PHC1: variants seen among roughly 807,000 people sequenced by gnomAD.
The protein encoded by PHC1 is polyhomeotic homolog 1.
In PHC1, 12 loss-of-function variants were observed where a neutral mutation model predicts 104.3. The observed-to-expected ratio is 0.12, with a 90% CI of 0.07 to 0.19. The LOEUF (loss-of-function observed/expected upper bound fraction) is 0.19. Ranked by LOEUF, PHC1 falls within the 10% of genes least tolerant of loss-of-function variation. The probability of loss-of-function intolerance (pLI) is 1.00; values close to 1 mark genes in which losing one functional copy is unlikely to be tolerated. For synonymous variants in PHC1, 302 were observed against 455.8 expected (o/e 0.66, Z 4.30); for missense variants, 671 against 1,200.0 (o/e 0.56, Z 6.51).
At chr12:8,933,732 T>C in intron 8 of PHC1, 133 bp from the exon 9 acceptor site, 1 of 700,658 alleles carries the variant, frequency 1.4e-6, no homozygotes, top group Non-Finnish European at 2.4e-6. Context: ...GGAATTTTAG[T>C]GTACCATGGG....
At chr12:8,922,926 C>T (rs1945407493) in intron 6 of PHC1, 138 bp downstream of exon 6, 1 of 701,254 alleles carries the variant, frequency 1.4e-6, no homozygotes, top group Admixed American at 3.1e-5. Flanking sequence ...TTCCCTTAAT[C>T]ACCATAGAAC....
chr12:8,939,106 G>A (rs1324052481), intron 14 of PHC1, among the ~76,000 whole-genome samples, 199 bp from the exon 15 acceptor site: 5 of 152,248 alleles, frequency 3.3e-5, no homozygotes, highest in Admixed American at 3.3e-4. Context: ...GATTATAGGC[G>A]TGAGCCTCTG....
chr12:8,928,855 C>G (rs781006396), intron 6 of PHC1, among the ~76,000 whole-genome samples: 8 of 152,156 alleles, frequency 5.3e-5, no homozygotes, highest in African/African-American at 1.9e-4. Context: ...TGTTTTGTTG[C>G]AGTCATTGGA....
intron 11 of PHC1, among the ~76,000 whole-genome samples, chr12:8,935,962 T>C (rs919761187): frequency 2.0e-5 from 3 of 151,882 alleles, no homozygotes; most frequent in African/African-American, 7.3e-5. Context: ...GGTTTCTGCA[T>C]GTTGGTCAGG....
In PHC1 at chr12:8,933,855, T is replaced by A; in HGVS notation, c.1894-10T>A. The stretch of plus-strand genomic sequence containing the variant: ...ACATCTTTGTTTCTTTCCTATTCTT[T>A]ACGGTATAGGGTAAACCCCAGACAT... On this transcript the variant is annotated splice_polypyrimidine_tract_variant and intron_variant, in intron 8 of 14. Coordinates refer to ENST00000544916, the MANE Select transcript of PHC1 (RefSeq NM_004426.3). 1 of 1,609,550 alleles carries A rather than the reference T, an allele frequency of 6.2e-7. No individual in the cohort carries two copies.
At chr12:8,916,446 TTTCTAG>T (rs1192722826) in intron 1 of PHC1, among the ~76,000 whole-genome samples, 2 of 152,158 alleles carry the variant, frequency 1.3e-5, no homozygotes, top group Non-Finnish European at 2.9e-5. Context: ...TGACCTGATA[TTTCTAG>T]TGGCCCAGTG....
Position 8,937,856 on chromosome 12 carries a change from G to C in PHC1, c.2656G>C (p.Asp886His). The C allele has an allele frequency of 6.2e-7, 1 of 1,613,100 alleles. No individual in the cohort carries two copies. The highest frequency in any genetic ancestry group is 2.2e-5 in the East Asian group (1 of 44,878). ...TCAAGAAGACTCTAGCCGGGGTTCA[G>C]ATAATTCCAGTTATGATGAAGCACT... Reference protein sequence around the residue: ...RGQEDSSRGSDNSSYDEALSP... With the variant: ...RGQEDSSRGSHNSSYDEALSP... The change falls in exon 14 of 15, where the codon GAT becomes CAT. Residue 886 changes from aspartate (D) to histidine (H), a missense_variant. Asp to His is a moderately conservative substitution (Grantham distance 81). Coordinates refer to ENST00000544916, the MANE Select transcript of PHC1 (RefSeq NM_004426.3).
intron 8 of PHC1, 165 bp downstream of exon 8, chr12:8,933,515 A>ACT (rs2137117993): frequency 1.1e-6 from 1 of 950,254 alleles, no homozygotes; most frequent in East Asian, 2.7e-5. Flanking sequence ...TAATATCTGA[A>ACT]CTTTATACTC....
At chr12:8,938,096 T>G (rs757519143) in intron 14 of PHC1, 36 bp downstream of exon 14, 1 of 1,439,660 alleles carries the variant, frequency 6.9e-7, no homozygotes, top group South Asian at 1.2e-5. Context: ...CCAGGTTGTT[T>G]TCCTTAACAT....
chr12:8,921,877 A>G, intron 5 of PHC1, 127 bp downstream of exon 5: 3 of 860,004 alleles, frequency 3.5e-6, no homozygotes, highest in Middle Eastern at 2.3e-4. Context: ...GCAGTGGCAC[A>G]ATAATGGCTC....
chr12:8,921,400 CTG>C (rs199733046), intron 4 of PHC1, among the ~76,000 whole-genome samples, 199 bp from the exon 5 acceptor site: 2,281 of 152,212 alleles, frequency 0.015, 26 homozygotes, highest in Non-Finnish European at 0.024. Context: ...TGGTTAGAGA[CTG>C]TTGGTTTTTT....
chr12:8,931,582 C>T (rs908462269), intron 7 of PHC1, among the ~76,000 whole-genome samples: 3 of 152,282 alleles, frequency 2.0e-5, no homozygotes, highest in African/African-American at 4.8e-5. Flanking sequence ...CACCTGTAGT[C>T]CCAGCTGCTC....
At position 8,937,930 on chromosome 12, in the gene PHC1, A is replaced by G; in HGVS notation, c.2730A>G (p.Glu910=). 6.2e-7 allele frequency: 1 copy of G among 1,604,918 alleles called. No individual in the cohort carries two copies. The highest frequency in any genetic ancestry group is 8.5e-7 in the Non-Finnish European group (1 of 1,171,688). Residue 910 remains glutamate, a synonymous_variant, in exon 14 of 15, where the codon GAA becomes GAG. Transcript: ENST00000544916. ...TATCAGTAAGAGCTGGGCATGGAGA[A>G]CGTGACCTGGGGAATCCCAATACAG... ...GPLSVRAGHG[E]RDLGNPNTAP... is the part of the protein sequence containing the mutation.
chr12:8,926,534 T>TC (rs1220018991), intron 6 of PHC1, among the ~76,000 whole-genome samples: 1 of 151,802 alleles, frequency 6.6e-6, no homozygotes, highest in Non-Finnish European at 1.5e-5. Flanking sequence ...GGAAGGAGAA[T>TC]CACTTGAACC....
intron 2 of PHC1, among the ~76,000 whole-genome samples, chr12:8,918,051 A>G (rs1945252319): frequency 6.6e-6 from 1 of 152,222 alleles, no homozygotes; most frequent in Non-Finnish European, 1.5e-5. Context: ...ACCCTTTCTC[A>G]TACTGGATTG....
At chr12:8,926,097 A>T (rs1217958943) in intron 6 of PHC1, among the ~76,000 whole-genome samples, 1 of 152,180 alleles carries the variant, frequency 6.6e-6, no homozygotes, top group East Asian at 1.9e-4. Context: ...GAGACGAAGA[A>T]TGTAGGAGTG....
intron 2 of PHC1, among the ~76,000 whole-genome samples, chr12:8,918,697 A>G (rs944199479): frequency 3.3e-5 from 5 of 152,128 alleles, no homozygotes; most frequent in Non-Finnish European, 2.9e-5. Flanking sequence ...AGTCTTTGCT[A>G]TGGCATGTAT....
rs376792409 is a variant in PHC1 at position 8,936,810 on chromosome 12, GCAGCAGAAA to G, written c.2369-44_2369-36del. The G allele has an allele frequency of 2.7e-3, 3,215 of 1,178,794 alleles. 51 individuals carry two copies. The African/African-American group carries it at 0.04, about 15-fold the overall frequency. The allele number at this position is 1,178,794 out of a possible 1,614,324, so 73.0% of individuals were successfully genotyped here. Reference sequence around the variant, plus strand: ...TCTGAGCCTAATGATTGCCTGAGGGGCAGCAGAAACCCATGGTGACTGTCCAGCAATACC... The same window carrying G: ...TCTGAGCCTAATGATTGCCTGAGGGGCCCATGGTGACTGTCCAGCAATACC... On this transcript the variant is annotated intron_variant, in intron 11 of 14. Transcript: ENST00000544916.
At chr12:8,920,104 G>A (rs1945319118) in intron 3 of PHC1, among the ~76,000 whole-genome samples, 1 of 152,178 alleles carries the variant, frequency 6.6e-6, no homozygotes, top group Non-Finnish European at 1.5e-5. Context: ...GTCTAATAAC[G>A]TAGTCACTAG....
Sources: allele counts gnomAD v4.1 joint callset (sites outside exome capture counted in the v4.1 genomes callset), GRCh38; gene constraint gnomAD v4.1.1; transcripts MANE v1.5; gene names NCBI Gene and HGNC (gene_info 2026-07-23, HGNC 2026-07-21).